Variants in SAFB2 observed in about 807,000 individuals in gnomAD.
SAFB2 encodes scaffold attachment factor B2.
Under a neutral mutation model 100.6 loss-of-function variants are expected in SAFB2, and 32 were observed. The ratio of observed to expected loss-of-function variants is 0.32; its 90% CI spans 0.24 to 0.43. The LOEUF (loss-of-function observed/expected upper bound fraction) is 0.43, where lower values mean the gene tolerates loss of function less well. SAFB2 is among the 20% of genes least tolerant of loss of function. The pLI, the probability that SAFB2 is intolerant of heterozygous loss-of-function variation, is 1.00. For synonymous variants in SAFB2, 500 were observed against 439.4 expected, an observed-to-expected ratio of 1.14 and a Z score of -1.72; for missense variants, 1,185 against 1,163.4, an observed-to-expected ratio of 1.02 and a Z score of -0.27.
intron 2 of SAFB2, among the ~76,000 whole-genome samples, chr19:5,620,267 G>C (rs2053113679): frequency 1.3e-5 from 2 of 152,112 alleles, no homozygotes; most frequent in Non-Finnish European, 2.9e-5. Flanking sequence ...AGAAGAAAAA[G>C]CTATTAAAAA....
intron 4 of SAFB2, among the ~76,000 whole-genome samples, chr19:5,613,880 A>G (rs191054974): frequency 6.6e-6 from 1 of 152,208 alleles, no homozygotes; most frequent in East Asian, 1.9e-4. Flanking sequence ...CACCCCTCCA[A>G]TTTCACCTGG....
Position 5,587,136 on chromosome 19 carries a change from T to C in SAFB2, c.*107A>G, listed in dbSNP as rs975572044. On this transcript the variant is annotated 3_prime_UTR_variant, in exon 21 of 21. Transcript: ENST00000252542. The surrounding 1 kb of genome is among the most constrained non-coding windows in gnomAD (Gnocchi z 4.9). ...CACATTGTATTGAGCTACAACATGG[T>C]GGCAGGATTTACTTTGCTTTTAAAA... The C allele has an allele frequency of 4.9e-5, 70 of 1,434,794 alleles. No individual in the cohort carries two copies. Among genetic ancestry groups the C allele is most frequent in the Non-Finnish European group, 6.6e-5 (69 of 1,050,140 alleles). The allele number at this position is 1,434,794 out of a possible 1,614,324, so 88.9% of individuals were successfully genotyped here.
chr19:5,612,581 A>G lies in SAFB2; in HGVS notation c.607-14T>C. The G allele has an allele frequency of 6.2e-7, 1 of 1,611,176 alleles. No individual in the cohort carries two copies. Among genetic ancestry groups the G allele is most frequent in the Non-Finnish European group, 8.5e-7 (1 of 1,178,026 alleles). The stretch of plus-strand genomic sequence containing the variant: ...TTCTTCAATGTCCTATTTAAAAAAG[A>G]AAAAGCAAATCCACAAGTCACTTTA... On this transcript the variant is annotated splice_polypyrimidine_tract_variant and intron_variant, in intron 5 of 20. Transcript: ENST00000252542.
intron 13 of SAFB2, among the ~76,000 whole-genome samples, chr19:5,598,221 A>C (rs957282659): frequency 7.2e-5 from 11 of 152,104 alleles, no homozygotes; most frequent in African/African-American, 2.7e-4. Context: ...TTAAAAAAGT[A>C]CTGTCACCTC....
intron 9 of SAFB2, among the ~76,000 whole-genome samples, 192 bp downstream of exon 9, chr19:5,609,803 G>A (rs1474299318): frequency 1.3e-5 from 2 of 152,176 alleles, no homozygotes; most frequent in East Asian, 3.9e-4. Flanking sequence ...CTTCGCTGCT[G>A]TCGTTCCATT....
Position 5,616,469 on chromosome 19 carries a change from C to G in SAFB2, c.292G>C (p.Glu98Gln), listed in dbSNP as rs1261137285. ...RCVKGLKMEE[E>Q]GTEDNGLEDD... ...TCCAGGCCATTATCTTCTGTGCCTT[C>G]CTCCTCCATCTTCAGTCCTAATTAC... Residue 98 changes from glutamate to glutamine, a missense_variant, in exon 3 of 21, where the codon GAA becomes CAA. Glu to Gln is a conservative substitution (Grantham distance 29). Coordinates refer to ENST00000252542, the MANE Select transcript of SAFB2 (RefSeq NM_014649.3). 3 of 1,613,762 alleles carry G rather than the reference C, an allele frequency of 1.9e-6. No individual in the cohort carries two copies. Among genetic ancestry groups the G allele is most frequent in the Non-Finnish European group, 8.5e-7 (1 of 1,179,874 alleles).
At chr19:5,620,787 G>T (rs2053123911) in intron 2 of SAFB2, among the ~76,000 whole-genome samples, 1 of 152,224 alleles carries the variant, frequency 6.6e-6, no homozygotes, top group Admixed American at 6.5e-5. Flanking sequence ...AGGAAGCACT[G>T]AATTGTACAC....
At position 5,616,445 on chromosome 19, in the gene SAFB2, C is replaced by T; in HGVS notation, c.316G>A (p.Glu106Lys). ...ACCTGCCCGTCTCTGGAATCGTCTT[C>T]CAGGCCATTATCTTCTGTGCCTTCC... is the stretch of plus-strand genomic sequence containing the variant. Reference protein sequence around the residue: ...EEEGTEDNGLEDDSRDGQEDM... With the variant: ...EEEGTEDNGLKDDSRDGQEDM... Residue 106 changes from glutamate (E) to lysine (K), a missense_variant, in exon 3 of 21, where the codon GAA becomes AAA. Coordinates refer to ENST00000252542, the MANE Select transcript of SAFB2 (RefSeq NM_014649.3). The T allele has an allele frequency of 3.1e-6, 5 of 1,614,082 alleles. No individual in the cohort carries two copies. The highest frequency in any genetic ancestry group is 4.2e-6 in the Non-Finnish European group (5 of 1,180,014).
intron 11 of SAFB2, among the ~76,000 whole-genome samples, chr19:5,601,989 T>C (rs1203675851): frequency 1.3e-5 from 2 of 152,196 alleles, no homozygotes; most frequent in African/African-American, 2.4e-5. Flanking sequence ...TCATCCAAGA[T>C]GGCAAAGGCT....
intron 5 of SAFB2, 114 bp downstream of exon 5, chr19:5,613,351 A>G: frequency 1.1e-6 from 1 of 942,924 alleles, no homozygotes; most frequent in South Asian, 1.6e-5. Flanking sequence ...TCTTAACCCC[A>G]GCATCCAGCA....
chr19:5,618,219 G>A (rs773389160), intron 2 of SAFB2, among the ~76,000 whole-genome samples: 51 of 151,904 alleles, frequency 3.4e-4, no homozygotes, highest in African/African-American at 4.6e-4. Context: ...AAAAACAGCC[G>A]GACGTGGTGG....
intron 17 of SAFB2, among the ~76,000 whole-genome samples, chr19:5,590,858 C>T (rs189673837): frequency 9.8e-5 from 15 of 152,346 alleles, no homozygotes; most frequent in Admixed American, 7.8e-4. Flanking sequence ...AGGAAGCAGG[C>T]GGGTGCTGCC....
intron 2 of SAFB2, among the ~76,000 whole-genome samples, chr19:5,617,331 T>C (rs1211784193): frequency 2.0e-5 from 3 of 152,054 alleles, no homozygotes. Flanking sequence ...TCATCCTGGG[T>C]TTTGTGACCA....
intron 2 of SAFB2, among the ~76,000 whole-genome samples, chr19:5,620,631 C>T (rs991132317): frequency 2.2e-4 from 33 of 152,166 alleles, no homozygotes; most frequent in Admixed American, 2.1e-3. Context: ...CAAATCTATG[C>T]GGACAGAACA....
In SAFB2 at chr19:5,595,271, C is replaced by T. The variant is rs1189486669; in HGVS notation, c.1919+90G>A. 2.0e-6 allele frequency: 3 copies of T among 1,513,718 alleles called. No individual in the cohort carries two copies. The African/African-American group carries it at 4.2e-5, about 21-fold the overall frequency. The allele number at this position is 1,513,718 out of a possible 1,614,324, so 93.8% of individuals were successfully genotyped here. On this transcript the variant is annotated intron_variant, in intron 14 of 20. Transcript: ENST00000252542. ...CAGCCCAGGCACTGGCTCTCGGGCA[C>T]ACAGACTGCGCACTCCAAGTACAGC...
intron 11 of SAFB2, among the ~76,000 whole-genome samples, chr19:5,602,265 CAGG>C (rs1277621391): frequency 6.6e-6 from 1 of 151,788 alleles, no homozygotes; most frequent in African/African-American, 2.4e-5. Flanking sequence ...ATCACGAGGT[CAGG>C]AGATCAAGAC....
At chr19:5,597,483 A>T (rs1240360455) in intron 13 of SAFB2, among the ~76,000 whole-genome samples, 4 of 152,182 alleles carry the variant, frequency 2.6e-5, no homozygotes, top group Admixed American at 2.0e-4. Context: ...GCCAAACCGT[A>T]TGTGTCTGTA....
rs180725710 is a variant in SAFB2 at position 5,603,167 on chromosome 19, C to G, written c.1559+1416G>C. ...CCTGTAGCCCCAGCTACTAGGGAGG[C>G]TGAGGTGGGAGGTTCACTTGGGCTT... On this transcript the variant is annotated intron_variant, in intron 11 of 20. Coordinates refer to ENST00000252542, the MANE Select transcript of SAFB2 (RefSeq NM_014649.3). Among the ~76,000 whole-genome samples, 32 of 152,276 alleles carry G rather than the reference C, an allele frequency of 2.1e-4. 1 individual carries two copies. The East Asian group carries it at 5.6e-3, about 27-fold the overall frequency.
At position 5,604,859 on chromosome 19, in the gene SAFB2, AG is replaced by A; in HGVS notation, c.1373del (p.Ser458LeufsTer20). ...RCYGFVTMST[S>X]DEATKCISHL... is the part of the protein sequence containing the mutation. ...GGCTGATGCACTTGGTCGCCTCGTCAGATGTCGACATGGTGACGAATCCATA... is the reference window on the plus strand; with the variant it reads ...GGCTGATGCACTTGGTCGCCTCGTCAATGTCGACATGGTGACGAATCCATA... On this transcript the variant is annotated frameshift_variant, in exon 10 of 21. Coordinates refer to ENST00000252542, the MANE Select transcript of SAFB2 (RefSeq NM_014649.3). LOFTEE classifies it high-confidence loss of function. 1 of 1,614,176 alleles carries A rather than the reference AG, an allele frequency of 6.2e-7. No homozygotes were observed. The highest frequency in any genetic ancestry group is 8.5e-7 in the Non-Finnish European group (1 of 1,180,030).
Sources: gnomAD v4.1 joint callset for allele counts (sites outside exome capture counted in the v4.1 genomes callset) on GRCh38, gnomAD v4.1.1 for gene constraint, Gnocchi (gnomAD v3.1) non-coding constraint, MANE v1.5 for transcripts, NCBI Gene and HGNC (gene_info 2026-07-23, HGNC 2026-07-21) for gene names.